Variants in RAB4B observed in about 807,000 individuals in gnomAD.
RAB4B encodes ras-related protein Rab-4B.
Under a neutral mutation model 28.3 loss-of-function variants are expected in RAB4B, and 15 were observed. That is an observed-to-expected ratio of 0.53 (90% CI 0.35 to 0.82). The LOEUF is 0.82. Among genes scored for constraint, RAB4B ranks in the 40% least tolerant of loss-of-function variants. RAB4B has a pLI of 0.01. For synonymous variants in RAB4B, 108 were observed against 116.3 expected, an observed-to-expected ratio of 0.93 and a Z score of 0.46; for missense variants, 244 against 288.5, an observed-to-expected ratio of 0.85 and a Z score of 1.12.
Position 40,786,986 on chromosome 19 carries a change from A to C in RAB4B, c.*15+8A>C. On this transcript the variant is annotated splice_region_variant and intron_variant, in intron 7 of 7. Coordinates refer to ENST00000357052, the MANE Select transcript of RAB4B (RefSeq NM_016154.5). ...TGAGCTCTGTGGAGCCAGGTGGGAC[A>C]CTGGGGGCTTTAGGGAGGCAGGGCG... 2 of 1,610,004 alleles carry C rather than the reference A, an allele frequency of 1.2e-6. No homozygotes were observed. Among genetic ancestry groups the C allele is most frequent in the Non-Finnish European group, 1.7e-6 (2 of 1,177,108 alleles).
chr19:40,786,564 G>C, intron 5 of RAB4B, 101 bp from the exon 6 acceptor site: 1 of 1,543,190 alleles, frequency 6.5e-7, no homozygotes, highest in South Asian at 1.2e-5. Context: ...GGGTAAGGGG[G>C]GATGGAACAT....
At chr19:40,786,405 A>T (rs1000595513) in intron 5 of RAB4B, 6 of 444,842 alleles carry the variant, frequency 1.3e-5, no homozygotes, top group South Asian at 1.2e-4. Flanking sequence ...TGGGAGCCCT[A>T]AGTCGGTACC....
chr19:40,786,991 G>C lies in RAB4B; in HGVS notation c.*15+13G>C, dbSNP rs759267784. Reference sequence around the variant, plus strand: ...TCTGTGGAGCCAGGTGGGACACTGGGGGCTTTAGGGAGGCAGGGCGGCCTC... The same window carrying C: ...TCTGTGGAGCCAGGTGGGACACTGGCGGCTTTAGGGAGGCAGGGCGGCCTC... On this transcript the variant is annotated intron_variant, in intron 7 of 7. Transcript: ENST00000357052. 6.2e-7 allele frequency: 1 copy of C among 1,607,102 alleles called. No individual in the cohort carries two copies. Among genetic ancestry groups the C allele is most frequent in the Non-Finnish European group, 8.5e-7 (1 of 1,175,016 alleles).
intron 5 of RAB4B, 107 bp from the exon 6 acceptor site, chr19:40,786,558 A>G: frequency 6.6e-7 from 1 of 1,517,414 alleles, no homozygotes; most frequent in South Asian, 1.2e-5. Context: ...AGGTGAGGGT[A>G]AGGGGGGATG....
chr19:40,784,165 A>C, intron 5 of RAB4B, 90 bp downstream of exon 5: 1 of 1,452,084 alleles, frequency 6.9e-7, no homozygotes, highest in Non-Finnish European at 9.2e-7. Context: ...TGTACCCAGC[A>C]GGGGAACGTG....
chr19:40,784,711 G>A (rs2083082470), intron 5 of RAB4B, among the ~76,000 whole-genome samples: 1 of 152,116 alleles, frequency 6.6e-6, no homozygotes, highest in Non-Finnish European at 1.5e-5. Context: ...TTCGCCTACC[G>A]TCAGGAGGCC....
intron 7 of RAB4B, among the ~76,000 whole-genome samples, chr19:40,795,101 G>A (rs568827825): frequency 1.7e-4 from 26 of 150,302 alleles, no homozygotes; most frequent in African/African-American, 6.3e-4. Flanking sequence ...CGCAGGAGGC[G>A]GAGCTTGCAG....
At chr19:40,786,630 C>T (rs200240465) in intron 5 of RAB4B, 35 bp from the exon 6 acceptor site, 12 of 1,612,400 alleles carry the variant, frequency 7.4e-6, no homozygotes, top group Admixed American at 5.0e-5. Context: ...TGGGGACTAA[C>T]TGGGGCCCTG....
At chr19:40,781,657 T>A (rs1297340872) in intron 3 of RAB4B, among the ~76,000 whole-genome samples, 2 of 150,352 alleles carry the variant, frequency 1.3e-5, no homozygotes, top group Non-Finnish European at 3.0e-5. Context: ...GAGAGAGAAA[T>A]GCGTAGGGCT....
At chr19:40,784,114 G>A in intron 5 of RAB4B, 39 bp downstream of exon 5, 1 of 1,575,730 alleles carries the variant, frequency 6.3e-7, no homozygotes, top group Non-Finnish European at 8.7e-7. Flanking sequence ...GGTGGGGGTG[G>A]ACAGTCCACA....
At position 40,778,284 on chromosome 19, in the gene RAB4B, C is replaced by T. The variant is rs1938219088; in HGVS notation, c.-92C>T. On this transcript the variant is annotated 5_prime_UTR_variant, in exon 1 of 8. Coordinates refer to ENST00000357052, the MANE Select transcript of RAB4B (RefSeq NM_016154.5). ...GCCGGGCCCGGGGAGTAGGAAGGAG[C>T]CGGGGCTGTAGCCGGAGTGGAGCGG... 2.3e-6 allele frequency: 3 copies of T among 1,302,122 alleles called. No individual in the cohort carries two copies. Among genetic ancestry groups the T allele is most frequent in the Admixed American group, 5.1e-5 (2 of 38,858 alleles). The allele number at this position is 1,302,122 out of a possible 1,614,324, so 80.7% of individuals were successfully genotyped here. A position where few individuals can be genotyped will look rare whatever the true frequency, so the allele number is the denominator to read the frequency against.
intron 7 of RAB4B, among the ~76,000 whole-genome samples, chr19:40,789,272 A>G (rs34842744): frequency 0.24 from 37,019 of 151,322 alleles, 4,671 homozygotes; most frequent in African/African-American, 0.27. Context: ...GCGCGATCTC[A>G]GCTCACCGCA....
chr19:40,779,048 A>G, intron 1 of RAB4B: 4 of 984,550 alleles, frequency 4.1e-6, no homozygotes, highest in Non-Finnish European at 4.8e-6. Context: ...GAGTGCAAAG[A>G]CCCTGAGGTG....
At position 40,784,212 on chromosome 19, in the gene RAB4B, C is replaced by T. The variant is rs556116560; in HGVS notation, c.430+137C>T. 2.1e-3 allele frequency: 2,537 copies of T among 1,235,418 alleles called. 4 individuals carry two copies. The highest frequency in any genetic ancestry group is 2.6e-3 in the Non-Finnish European group (2,380 of 920,354). The allele number at this position is 1,235,418 out of a possible 1,614,324, so 76.5% of individuals were successfully genotyped here. ...GTCTGGGTTCAAATTTGAGTGTTGG[C>T]TGGGTGTAGTGGCTCACACCTGTAA... On this transcript the variant is annotated intron_variant, in intron 5 of 7. Coordinates refer to ENST00000357052, the MANE Select transcript of RAB4B (RefSeq NM_016154.5).
chr19:40,780,380 C>T lies in RAB4B; in HGVS notation c.98-5C>T. ...TACTGCCCCTTCTGTTCCTCCTACT[C>T]CCAGTCAAACAGGACTCCAACCACA... On this transcript the variant is annotated splice_polypyrimidine_tract_variant and splice_region_variant and intron_variant, in intron 2 of 7. Coordinates refer to ENST00000357052, the MANE Select transcript of RAB4B (RefSeq NM_016154.5). 1 of 1,602,546 alleles carries T rather than the reference C, an allele frequency of 6.2e-7. No individual in the cohort carries two copies.
chr19:40,784,619 G>A (rs549065943), intron 5 of RAB4B, among the ~76,000 whole-genome samples: 1 of 152,312 alleles, frequency 6.6e-6, no homozygotes, highest in African/African-American at 2.4e-5. Context: ...CCCACAGTGT[G>A]CTGTGATGAT....
intron 7 of RAB4B, among the ~76,000 whole-genome samples, chr19:40,793,799 C>G (rs2083182867): frequency 6.6e-6 from 1 of 151,570 alleles, no homozygotes; most frequent in African/African-American, 2.4e-5. Context: ...TGGTGTGCTC[C>G]TGTAATCCCA....
At chr19:40,785,925 C>T in intron 5 of RAB4B, 1 of 155,264 alleles carries the variant, frequency 6.4e-6, no homozygotes, top group Non-Finnish European at 1.4e-5. Context: ...GGGAGAGCCC[C>T]AGAGGGTCAG....
Position 40,780,064 on chromosome 19 carries a change from A to G in RAB4B, c.62A>G (p.Lys21Arg), listed in dbSNP as rs2083032401. 6 of 1,611,548 alleles carry G rather than the reference A, an allele frequency of 3.7e-6. No homozygotes were observed. Among genetic ancestry groups the G allele is most frequent in the African/African-American group, 1.3e-5 (1 of 74,834 alleles). ...GTGATTGGCAGTGCAGGAACTGGCA[A>G]ATCATGTCTCCTTCATCAGTTCATT... ...FLVIGSAGTG[K>R]SCLLHQFIEN... The change falls in exon 2 of 8, where the codon AAA (lysine) becomes AGA (arginine). Residue 21 changes from lysine (K) to arginine (R), a missense_variant. Lys to Arg is a conservative substitution (Grantham distance 26). Transcript: ENST00000357052.
Sources: gnomAD v4.1 joint callset for allele counts (sites outside exome capture counted in the v4.1 genomes callset) on GRCh38, gnomAD v4.1.1 for gene constraint, MANE v1.5 for transcripts, NCBI Gene and HGNC (gene_info 2026-07-23, HGNC 2026-07-21) for gene names.